The following HECTD4 variants were observed in gnomAD, a reference collection of about 807,000 sequenced individuals.
HECTD4 encodes probable E3 ubiquitin-protein ligase HECTD4.
HECTD4 carries 114 observed loss-of-function variants against 471.5 expected under a neutral mutation model. That is an observed-to-expected ratio of 0.24 (90% CI 0.21 to 0.28). The LOEUF (loss-of-function observed/expected upper bound fraction) is 0.28, where lower values mean the gene tolerates loss of function less well. Among genes scored for constraint, HECTD4 ranks in the 10% least tolerant of loss-of-function variants. The probability of loss-of-function intolerance (pLI) is 1.00; values close to 1 mark genes in which losing one functional copy is unlikely to be tolerated. For synonymous variants in HECTD4, 2,012 were observed against 2,256.0 expected, an observed-to-expected ratio of 0.89 and a Z score of 3.07; for missense variants, 3,866 against 5,651.5, an observed-to-expected ratio of 0.68 and a Z score of 10.13.
intron 9 of HECTD4, among the ~76,000 whole-genome samples, chr12:112,277,910 G>C (rs1235953933): frequency 6.6e-6 from 1 of 151,970 alleles, no homozygotes; most frequent in Non-Finnish European, 1.5e-5. Context: ...ATTTCCCCAA[G>C]ATAATAGTTA....
At chr12:112,329,870 G>C (rs1235266605) in intron 1 of HECTD4, among the ~76,000 whole-genome samples, 2 of 152,176 alleles carry the variant, frequency 1.3e-5, no homozygotes, top group Non-Finnish European at 2.9e-5. Flanking sequence ...TACTTGGGAA[G>C]GCCTAAGAGG....
Position 112,228,272 on chromosome 12 carries a change from G to A in HECTD4, c.6685-14C>T, listed in dbSNP as rs375818118. 3 of 1,556,290 alleles carry A rather than the reference G, an allele frequency of 1.9e-6. No individual in the cohort carries two copies. The Admixed American group carries it at 6.1e-5, about 32-fold the overall frequency. On this transcript the variant is annotated splice_polypyrimidine_tract_variant and intron_variant, in intron 42 of 75. Coordinates refer to ENST00000682272, the MANE Select transcript of HECTD4 (RefSeq NM_001388303.1). This position sits in a 1 kb window ranked among gnomAD's most constrained non-coding sequence, Gnocchi z 4.9. ...AAGAGGCAATGCCTGATGGCGGTGG[G>A]GGGGCATGGCAAAAAGTTAAATTCA...
rs12229891 is a variant in HECTD4 at position 112,309,858 on chromosome 12, G to A, written c.917-189C>T. ...CCCAAATCAAACATCCAAAATGCAT[G>A]TGGACCAGAGACCAAGATATGGTCA... On this transcript the variant is annotated intron_variant, in intron 4 of 75. Coordinates refer to ENST00000682272, the MANE Select transcript of HECTD4 (RefSeq NM_001388303.1). 0.056 allele frequency among the ~76,000 whole-genome samples: 8,473 copies of A among 152,240 alleles called. 1,290 individuals carry two copies. In the East Asian group the frequency reaches 0.61, roughly 11 times the overall value.
At chr12:112,308,063 T>A (rs2035300078) in intron 6 of HECTD4, among the ~76,000 whole-genome samples, 1 of 152,242 alleles carries the variant, frequency 6.6e-6, no homozygotes, top group African/African-American at 2.4e-5. Flanking sequence ...GAAGTGTATG[T>A]TAATTGCCTA....
chr12:112,300,355 T>C (rs1321779831), intron 7 of HECTD4, among the ~76,000 whole-genome samples: 2 of 151,178 alleles, frequency 1.3e-5, no homozygotes, highest in Non-Finnish European at 1.5e-5. Flanking sequence ...ACAAAAACAA[T>C]TTCCCTCAGA....
chr12:112,288,266 C>T (rs1475452880), intron 7 of HECTD4, among the ~76,000 whole-genome samples: 5 of 146,024 alleles, frequency 3.4e-5, no homozygotes, highest in South Asian at 2.1e-4. Flanking sequence ...TTGCAGTGAG[C>T]GGAGATCACA....
chr12:112,226,575 T>C, intron 44 of HECTD4, 68 bp downstream of exon 44: 1 of 1,013,624 alleles, frequency 9.9e-7, no homozygotes, highest in Non-Finnish European at 1.5e-6. Context: ...TAACATACCA[T>C]TATCAAATTG....
At chr12:112,209,392 T>C (rs1476423213) in intron 50 of HECTD4, among the ~76,000 whole-genome samples, 1 of 151,380 alleles carries the variant, frequency 6.6e-6, no homozygotes, top group Non-Finnish European at 1.5e-5. Flanking sequence ...AATGGCACGA[T>C]CTCAACTCAC....
intron 1 of HECTD4, among the ~76,000 whole-genome samples, chr12:112,332,663 T>C (rs1359882025): frequency 2.6e-5 from 4 of 152,038 alleles, no homozygotes; most frequent in Non-Finnish European, 1.5e-5. Flanking sequence ...GGACTCCTTT[T>C]ATAAAAAATA....
intron 48 of HECTD4, among the ~76,000 whole-genome samples, chr12:112,215,463 G>A (rs1009496667): frequency 3.3e-5 from 5 of 152,154 alleles, no homozygotes; most frequent in South Asian, 2.1e-4. Context: ...GCTGGAGTAC[G>A]TAGGGCCAAT....
At chr12:112,324,247 G>C (rs2035696770) in intron 1 of HECTD4, among the ~76,000 whole-genome samples, 1 of 150,254 alleles carries the variant, frequency 6.7e-6, no homozygotes, top group South Asian at 2.1e-4. Flanking sequence ...AGCCTCCTGA[G>C]TAGCTGGGAC....
chr12:112,343,758 G>A (rs529936946), intron 1 of HECTD4, among the ~76,000 whole-genome samples: 32 of 152,042 alleles, frequency 2.1e-4, no homozygotes, highest in African/African-American at 7.5e-4. Flanking sequence ...GCAACAGACA[G>A]AGAGACCCCA....
At chr12:112,324,029 C>CTTTCTTTCTTT (rs2035670292) in intron 1 of HECTD4, among the ~76,000 whole-genome samples, 3 of 26,342 alleles carry the variant, frequency 1.1e-4, no homozygotes, top group South Asian at 5.1e-3. Context: ...TTCCTTCCTT[C>CTTTCTTTCTTT]CTTCCTTCCT....
chr12:112,302,208 C>G (rs2035179548), intron 7 of HECTD4: 1 of 1,310,332 alleles, frequency 7.6e-7, no homozygotes, highest in Non-Finnish European at 1.1e-6. Flanking sequence ...GCAATCACCA[C>G]CAGCTGAGCT....
intron 45 of HECTD4, among the ~76,000 whole-genome samples, 159 bp downstream of exon 45, chr12:112,219,227 T>C (rs2033019153): frequency 1.3e-5 from 2 of 152,230 alleles, no homozygotes; most frequent in Admixed American, 1.3e-4. Flanking sequence ...CATTCAAAGA[T>C]GAGAGCATGG....
chr12:112,257,331 T>TA (rs2034039532), intron 20 of HECTD4, among the ~76,000 whole-genome samples: 1 of 152,238 alleles, frequency 6.6e-6, no homozygotes, highest in Non-Finnish European at 1.5e-5. Flanking sequence ...ACAGCACAGA[T>TA]AGAAGTTTTC....
intron 44 of HECTD4, among the ~76,000 whole-genome samples, chr12:112,220,448 G>A (rs556365025): frequency 7.9e-5 from 12 of 152,160 alleles, no homozygotes; most frequent in African/African-American, 2.9e-4. Flanking sequence ...ACAGGTGAAT[G>A]AGCAGTGACT....
chr12:112,179,497 G>A lies in HECTD4; in HGVS notation c.10988-100C>T. 5 of 1,051,374 alleles carry A rather than the reference G, an allele frequency of 4.8e-6. No homozygotes were observed. Among genetic ancestry groups the A allele is most frequent in the South Asian group, 1.4e-5 (1 of 71,090 alleles). The allele number at this position is 1,051,374 out of a possible 1,614,324, so 65.1% of individuals were successfully genotyped here. The stretch of plus-strand genomic sequence containing the variant: ...CCAAACACTGTTTGAAAGGGGCAGT[G>A]GATGGACATTAGTGGAAGGAAGAGC... On this transcript the variant is annotated intron_variant, in intron 62 of 75. Coordinates refer to ENST00000682272, the MANE Select transcript of HECTD4 (RefSeq NM_001388303.1). This position sits in a 1 kb window ranked among gnomAD's most constrained non-coding sequence, Gnocchi z 4.3.
chr12:112,231,788 C>T, intron 38 of HECTD4, 73 bp from the exon 39 acceptor site: 1 of 1,235,808 alleles, frequency 8.1e-7, no homozygotes, highest in South Asian at 1.3e-5. Flanking sequence ...AGTCTATTTC[C>T]CCTCAATTAC....
Sources: gnomAD v4.1 joint callset for allele counts (sites outside exome capture counted in the v4.1 genomes callset) on GRCh38, gnomAD v4.1.1 for gene constraint, Gnocchi (gnomAD v3.1) non-coding constraint, MANE v1.5 for transcripts, NCBI Gene and HGNC (gene_info 2026-07-23, HGNC 2026-07-21) for gene names.